C11orf42: variants seen among roughly 807,000 people sequenced by gnomAD.
The protein encoded by C11orf42 is uncharacterized protein C11orf42.
Under a neutral mutation model 27.9 loss-of-function variants are expected in C11orf42, and 24 were observed. The observed-to-expected ratio is 0.86, with a 90% CI of 0.62 to 1.21. The LOEUF is 1.21. Ranked by LOEUF, C11orf42 falls within the 50% of genes most tolerant of loss-of-function variation. The pLI is 0.00. For synonymous variants in C11orf42, 187 were observed against 180.8 expected, an observed-to-expected ratio of 1.03 and a Z score of -0.28; for missense variants, 455 against 424.1, an observed-to-expected ratio of 1.07 and a Z score of -0.64.
In C11orf42 at chr11:6,210,934, C is replaced by A. The variant is rs1847055305; in HGVS notation, c.894C>A (p.Arg298=). 3.1e-6 allele frequency: 5 copies of A among 1,608,736 alleles called. No individual in the cohort carries two copies. The highest frequency in any genetic ancestry group is 4.2e-6 in the Non-Finnish European group (5 of 1,178,260). ...ILSENWLFSP[R]SPPPGAQGGG... ...CAGAGAACTGGCTCTTCAGCCCCCGCAGCCCTCCACCAGGAGCCCAGGGTG... is the reference window on the plus strand; with the variant it reads ...CAGAGAACTGGCTCTTCAGCCCCCGAAGCCCTCCACCAGGAGCCCAGGGTG... The change falls in exon 3 of 3, where the codon CGC becomes CGA. Residue 298 remains arginine (R), a synonymous_variant. Coordinates refer to ENST00000316375, the MANE Select transcript of C11orf42 (RefSeq NM_173525.3). The surrounding 1 kb of genome is among the most constrained non-coding windows in gnomAD (Gnocchi z 4.0).
rs1188384720 is a variant in C11orf42 at position 6,210,284 on chromosome 11, C to T, written c.507C>T (p.Ser169=). 2.5e-6 allele frequency: 4 copies of T among 1,614,130 alleles called. No individual in the cohort carries two copies. In the Admixed American group the frequency reaches 6.7e-5, roughly 27 times the overall value. The change falls in exon 2 of 3, where the codon TCC becomes TCT. Residue 169 remains serine, a synonymous_variant. Coordinates refer to ENST00000316375, the MANE Select transcript of C11orf42 (RefSeq NM_173525.3). This position sits in a 1 kb window ranked among gnomAD's most constrained non-coding sequence, Gnocchi z 4.0. ...IYVIYQVFSC[S]WLQLGLTSTA... ...TCATCTACCAGGTCTTCTCTTGTTC[C>T]TGGCTGCAGCTGGGGCTGACGTCTA... is the stretch of plus-strand genomic sequence containing the variant.
chr11:6,207,832 C>G (rs968253374), intron 1 of C11orf42, among the ~76,000 whole-genome samples: 3 of 152,144 alleles, frequency 2.0e-5, no homozygotes. Flanking sequence ...TCCAAAACAG[C>G]TTTGTAGAAA....
intron 1 of C11orf42, 102 bp from the exon 2 acceptor site, chr11:6,209,748 T>C: frequency 8.5e-7 from 1 of 1,175,360 alleles, no homozygotes; most frequent in Non-Finnish European, 1.2e-6. Context: ...TCTGAACACA[T>C]TATAGAGATG....
rs1847039750 is a variant in C11orf42, at chr11:6,210,464, C to G, written c.687C>G (p.Asn229Lys). 1 of 1,613,942 alleles carries G rather than the reference C, an allele frequency of 6.2e-7. No individual in the cohort carries two copies. The highest frequency in any genetic ancestry group is 1.7e-5 in the Admixed American group (1 of 59,998). Reference protein sequence around the residue: ...LPHGANWVRPNLSIMPPLAPT... With the variant: ...LPHGANWVRPKLSIMPPLAPT... The stretch of plus-strand genomic sequence containing the variant: ...ATGGGGCCAACTGGGTCAGACCCAA[C>G]CTCAGCATCATGCCGCCTCTGGCCC... The change falls in exon 2 of 3, where the codon AAC (asparagine) becomes AAG (lysine). Residue 229 changes from asparagine (N) to lysine (K), a missense_variant. By Grantham distance (94) the Asn-to-Lys change is moderately conservative. Coordinates refer to ENST00000316375, the MANE Select transcript of C11orf42 (RefSeq NM_173525.3). This position sits in a 1 kb window ranked among gnomAD's most constrained non-coding sequence, Gnocchi z 4.0.
At position 6,209,720 on chromosome 11, in the gene C11orf42, G is replaced by A. The variant is rs114818546; in HGVS notation, c.73-130G>A. The A allele has an allele frequency of 2.0e-3, 1,803 of 900,012 alleles. 21 individuals carry two copies. The African/African-American group carries it at 0.026, about 13-fold the overall frequency. 55.8% of individuals were successfully genotyped at this position (900,012 alleles called of 1,614,324 possible). A position where few individuals can be genotyped will look rare whatever the true frequency, so the allele number is the denominator to read the frequency against. The stretch of plus-strand genomic sequence containing the variant: ...GGTTTTGCTGCCGGAGAGCTGGGAG[G>A]TAAGCAGAAAGCATAAATCTGAACA... On this transcript the variant is annotated intron_variant, in intron 1 of 2. Coordinates refer to ENST00000316375, the MANE Select transcript of C11orf42 (RefSeq NM_173525.3).
At position 6,210,544 on chromosome 11, in the gene C11orf42, C is replaced by T. The variant is rs138302470; in HGVS notation, c.767C>T (p.Pro256Leu). The T allele has an allele frequency of 1.2e-6, 2 of 1,613,928 alleles. No individual in the cohort carries two copies. The highest frequency in any genetic ancestry group is 2.2e-5 in the East Asian group (1 of 44,864). The change falls in exon 2 of 3, where the codon CCA becomes CTA. Residue 256 changes from proline to leucine, a missense_variant. Coordinates refer to ENST00000316375, the MANE Select transcript of C11orf42 (RefSeq NM_173525.3). The surrounding 1 kb of genome is among the most constrained non-coding windows in gnomAD (Gnocchi z 4.0). Reference sequence around the variant, plus strand: ...GCTGCTGATGTGCCCCCACCTGTCCCAGCCCCACCTACGCCACCTCCCCAG... The same window carrying T: ...GCTGCTGATGTGCCCCCACCTGTCCTAGCCCCACCTACGCCACCTCCCCAG... ...TEAADVPPPVPAPPTPPPQEG... is the reference protein window; with the variant it reads ...TEAADVPPPVLAPPTPPPQEG...
In C11orf42 at chr11:6,210,725, T is replaced by A; in HGVS notation, c.871+77T>A. 1 of 1,495,732 alleles carries A rather than the reference T, an allele frequency of 6.7e-7. No homozygotes were observed. The allele number at this position is 1,495,732 out of a possible 1,614,324, so 92.7% of individuals were successfully genotyped here. ...AGGGAGAAGGCATGAGAATTAAGTATGTGAGGAATCCATTACTCAGCACAG... is the reference window on the plus strand; with the variant it reads ...AGGGAGAAGGCATGAGAATTAAGTAAGTGAGGAATCCATTACTCAGCACAG... On this transcript the variant is annotated intron_variant, in intron 2 of 2. Transcript: ENST00000316375. This position sits in a 1 kb window ranked among gnomAD's most constrained non-coding sequence, Gnocchi z 4.0.
chr11:6,210,826 G>A lies in C11orf42; in HGVS notation c.872-86G>A, dbSNP rs1169268578. On this transcript the variant is annotated intron_variant, in intron 2 of 2. Transcript: ENST00000316375. The surrounding 1 kb of genome is among the most constrained non-coding windows in gnomAD (Gnocchi z 4.0). ...ATGAGGAGGCCCTAGGAAGGGGATT[G>A]GGATGGCACAGAGGACCAGAGGGAA... The A allele has an allele frequency of 4.1e-6, 6 of 1,464,214 alleles. 1 individual carries two copies. The highest frequency in any genetic ancestry group is 5.5e-6 in the Non-Finnish European group (6 of 1,097,374). The allele number at this position is 1,464,214 out of a possible 1,614,324, so 90.7% of individuals were successfully genotyped here.
chr11:6,210,336 C>CTACTTCGGTCA lies in C11orf42; in HGVS notation c.561_571dup (p.Leu191TyrfsTer169), dbSNP rs1468135906. 22 of 1,614,100 alleles carry CTACTTCGGTCA rather than the reference C, an allele frequency of 1.4e-5. No individual in the cohort carries two copies. The highest frequency in any genetic ancestry group is 2.7e-5 in the African/African-American group (2 of 74,926). ...AGCCCGTGAGCCCCAGCTCCTCCGG[C>CTACTTCGGTCA]TACTTCGGTCATTACCTGTTGCCTT... On this transcript the variant is annotated frameshift_variant, in exon 2 of 3. Coordinates refer to ENST00000316375, the MANE Select transcript of C11orf42 (RefSeq NM_173525.3). LOFTEE classifies it high-confidence loss of function. The surrounding 1 kb of genome is among the most constrained non-coding windows in gnomAD (Gnocchi z 4.0).
chr11:6,208,752 G>A (rs924988348), intron 1 of C11orf42, among the ~76,000 whole-genome samples: 9 of 152,100 alleles, frequency 5.9e-5, no homozygotes, highest in Admixed American at 1.3e-4. Context: ...CCTACCTCCT[G>A]AGTGACTAAG....
intron 1 of C11orf42, among the ~76,000 whole-genome samples, chr11:6,207,607 T>A (rs1846993377): frequency 6.6e-6 from 1 of 152,166 alleles, no homozygotes; most frequent in South Asian, 2.1e-4. Flanking sequence ...GAAACGCAAC[T>A]GGTCCTTCTC....
At chr11:6,208,496 G>A (rs767070881) in intron 1 of C11orf42, among the ~76,000 whole-genome samples, 11 of 152,080 alleles carry the variant, frequency 7.2e-5, no homozygotes, top group Non-Finnish European at 1.0e-4. Context: ...GTGCCATCTC[G>A]GCTCACTGCA....
Position 6,209,888 on chromosome 11 carries a change from A to G in C11orf42, c.111A>G (p.Val37=), listed in dbSNP as rs774733161. The G allele has an allele frequency of 1.9e-6, 3 of 1,598,680 alleles. No individual in the cohort carries two copies. Among genetic ancestry groups the G allele is most frequent in the Non-Finnish European group, 8.6e-7 (1 of 1,167,038 alleles). ...EEHFGPNAVA[V]PFLSDAACYD... is the part of the protein sequence containing the mutation. ...ACTTTGGGCCCAATGCAGTAGCAGT[A>G]CCTTTCCTGTCAGATGCAGCCTGCT... The change falls in exon 2 of 3, where the codon GTA becomes GTG. Residue 37 remains valine (V), a synonymous_variant. Coordinates refer to ENST00000316375, the MANE Select transcript of C11orf42 (RefSeq NM_173525.3).
At chr11:6,207,005 A>G (rs1275275398) in intron 1 of C11orf42, among the ~76,000 whole-genome samples, 2 of 152,194 alleles carry the variant, frequency 1.3e-5, no homozygotes, top group African/African-American at 4.8e-5. Flanking sequence ...GCTAAACAGA[A>G]TGTGGCTCAA....
At chr11:6,205,855 C>T (rs1362705561) in intron 1 of C11orf42, among the ~76,000 whole-genome samples, 168 bp downstream of exon 1, 2 of 152,096 alleles carry the variant, frequency 1.3e-5, no homozygotes, top group Non-Finnish European at 2.9e-5. Context: ...GCACGAACCG[C>T]CCCATTTAAT....
In C11orf42 at chr11:6,210,049, G is replaced by A; in HGVS notation, c.272G>A (p.Gly91Asp). 1 of 1,614,238 alleles carries A rather than the reference G, an allele frequency of 6.2e-7. No homozygotes were observed. ...PSLLEQAGSE[G>D]AFAHCTREYS... ...CTCCTGGAGCAGGCAGGATCTGAGG[G>A]TGCCTTCGCCCACTGCACTCGGGAA... Residue 91 changes from glycine to aspartate, a missense_variant, in exon 2 of 3, where the codon GGT becomes GAT. Gly to Asp is a moderately conservative substitution (Grantham distance 94). Coordinates refer to ENST00000316375, the MANE Select transcript of C11orf42 (RefSeq NM_173525.3). This position sits in a 1 kb window ranked among gnomAD's most constrained non-coding sequence, Gnocchi z 4.0.
Position 6,211,046 on chromosome 11 carries a change from T to C in C11orf42, c.*4T>C, listed in dbSNP as rs1847059326. 5 of 1,610,006 alleles carry C rather than the reference T, an allele frequency of 3.1e-6. No homozygotes were observed. Among genetic ancestry groups the C allele is most frequent in the East Asian group, 2.2e-5 (1 of 44,654 alleles). ...AGAGTTCGACAGTGACGACTGAAGC[T>C]GAAGCAAAAGATTCCGGGGGCAAAG... On this transcript the variant is annotated 3_prime_UTR_variant, in exon 3 of 3. Transcript: ENST00000316375.
At chr11:6,206,123 G>A (rs1235745553) in intron 1 of C11orf42, among the ~76,000 whole-genome samples, 1 of 152,188 alleles carries the variant, frequency 6.6e-6, no homozygotes, top group Non-Finnish European at 1.5e-5. Context: ...GTAATTAAAT[G>A]TAGAGTATTT....
Position 6,210,419 on chromosome 11 carries a change from C to A in C11orf42, c.642C>A (p.Leu214=). 6.2e-7 allele frequency: 1 copy of A among 1,614,208 alleles called. No homozygotes were observed. The highest frequency in any genetic ancestry group is 8.5e-7 in the Non-Finnish European group (1 of 1,180,038). Residue 214 remains leucine, a synonymous_variant, in exon 2 of 3, where the codon CTC becomes CTA. Transcript: ENST00000316375. The surrounding 1 kb of genome is among the most constrained non-coding windows in gnomAD (Gnocchi z 4.0). ...SKGVLGPQKP[L]TKDPLPHGAN... ...GCGTGCTGGGACCACAGAAGCCTCT[C>A]ACTAAAGACCCATTGCCCCATGGGG... is the stretch of plus-strand genomic sequence containing the variant.
Sources: allele counts gnomAD v4.1 joint callset (sites outside exome capture counted in the v4.1 genomes callset), GRCh38; gene constraint gnomAD v4.1.1; non-coding constraint Gnocchi (gnomAD v3.1); transcripts MANE v1.5; gene names NCBI Gene and HGNC (gene_info 2026-07-23, HGNC 2026-07-21).